The following MYO9B variants were observed in gnomAD, a reference collection of about 807,000 sequenced individuals.
MYO9B encodes unconventional myosin-IXb.
In MYO9B, 71 loss-of-function variants were observed where a neutral mutation model predicts 229.5. The observed-to-expected ratio is 0.31, with a 90% CI of 0.26 to 0.38. The LOEUF (loss-of-function observed/expected upper bound fraction) is 0.38, where lower values mean the gene tolerates loss of function less well. Among genes scored for constraint, MYO9B ranks in the 10% least tolerant of loss-of-function variants. The pLI, the probability that MYO9B is intolerant of heterozygous loss-of-function variation, is 1.00. For missense variants in MYO9B, 2,255 were observed against 2,920.5 expected (o/e 0.77, Z 5.25); for synonymous variants, 1,185 against 1,235.8 (o/e 0.96, Z 0.86).
rs972182478 is a variant in MYO9B at position 17,183,653 on chromosome 19, C to T, written c.2334-176C>T. 1.9e-4 allele frequency: 113 copies of T among 594,692 alleles called. No homozygotes were observed. In the Admixed American group the frequency reaches 2.6e-3, roughly 14 times the overall value. 36.8% of individuals were successfully genotyped at this position (594,692 alleles called of 1,614,324 possible). On this transcript the variant is annotated intron_variant, in intron 15 of 39. Coordinates refer to ENST00000682292, the MANE Select transcript of MYO9B (RefSeq NM_004145.4). ...GTGTCCACAGACAGTGGCTGAGGCA[C>T]GCCACGGTGTGCAGCGTGGAGAGGT...
intron 2 of MYO9B, among the ~76,000 whole-genome samples, chr19:17,115,408 G>A (rs1337630247): frequency 3.3e-5 from 5 of 150,398 alleles, no homozygotes; most frequent in South Asian, 2.1e-4. Context: ...GTCTACCCCA[G>A]TACATCCACC....
chr19:17,191,120 G>C lies in MYO9B; in HGVS notation c.2712G>C (p.Val904=), dbSNP rs1410420705. Residue 904 remains valine, a synonymous_variant, in exon 20 of 40, where the codon GTG becomes GTC. Coordinates refer to ENST00000682292, the MANE Select transcript of MYO9B (RefSeq NM_004145.4). ...TFQDFTEQFQ[V]LLPKDAQPCR... ...AGGATTTCACCGAGCAGTTCCAGGT[G>C]CTCCTGCCCAAGGATGCCCAGCCCT... 6.2e-7 allele frequency: 1 copy of C among 1,612,696 alleles called. No homozygotes were observed. The highest frequency in any genetic ancestry group is 8.5e-7 in the Non-Finnish European group (1 of 1,179,376).
At chr19:17,192,611 A>G (rs2072997759) in intron 20 of MYO9B, 135 bp from the exon 21 acceptor site, 1 of 556,886 alleles carries the variant, frequency 1.8e-6, no homozygotes, top group African/African-American at 1.9e-5. Flanking sequence ...ATAATAAATA[A>G]ATAAATAAAT....
chr19:17,197,679 G>T, intron 22 of MYO9B, 113 bp from the exon 23 acceptor site: 2 of 1,215,608 alleles, frequency 1.6e-6, no homozygotes, highest in Non-Finnish European at 1.2e-6. Context: ...ACATTGCCAA[G>T]TGTCCCCTGG....
intron 24 of MYO9B, among the ~76,000 whole-genome samples, chr19:17,198,958 T>G (rs571553294): frequency 2.6e-5 from 4 of 152,196 alleles, no homozygotes; most frequent in African/African-American, 7.2e-5. Context: ...CTCAACACTT[T>G]GGGAGGCCAA....
intron 2 of MYO9B, among the ~76,000 whole-genome samples, chr19:17,126,400 G>A (rs1260473543): frequency 2.6e-5 from 4 of 152,114 alleles, no homozygotes; most frequent in African/African-American, 7.2e-5. Context: ...GGGGATCCCC[G>A]GAAAACCCCA....
At chr19:17,133,996 C>T (rs2072235036) in intron 2 of MYO9B, among the ~76,000 whole-genome samples, 1 of 151,548 alleles carries the variant, frequency 6.6e-6, no homozygotes, top group African/African-American at 2.4e-5. Flanking sequence ...CTCCTGACCT[C>T]ATGATCTGCC....
intron 16 of MYO9B, among the ~76,000 whole-genome samples, chr19:17,184,223 C>T (rs1295054361): frequency 6.6e-6 from 1 of 152,188 alleles, no homozygotes; most frequent in Admixed American, 6.6e-5. Flanking sequence ...CACCACAGAG[C>T]TCATCCTGCC....
At chr19:17,152,144 G>A (rs1028006791) in intron 3 of MYO9B, among the ~76,000 whole-genome samples, 2 of 147,298 alleles carry the variant, frequency 1.4e-5, no homozygotes, top group Middle Eastern at 3.7e-3. Context: ...TAGAAATCAC[G>A]TCATTGCACT....
At position 17,190,744 on chromosome 19, in the gene MYO9B, C is replaced by T. The variant is rs192002764; in HGVS notation, c.2689-353C>T. On this transcript the variant is annotated intron_variant, in intron 19 of 39. Coordinates refer to ENST00000682292, the MANE Select transcript of MYO9B (RefSeq NM_004145.4). The stretch of plus-strand genomic sequence containing the variant: ...CGCAATCTTGGCTCACTGCAACCTC[C>T]GCCTCCCAGGTTCAAGTGATTCTCC... Among the ~76,000 whole-genome samples the T allele has an allele frequency of 2.6e-4, 40 of 152,064 alleles. No individual in the cohort carries two copies. In the East Asian group the frequency reaches 6.6e-3, roughly 25 times the overall value.
intron 17 of MYO9B, 113 bp downstream of exon 17, chr19:17,185,100 G>A (rs2072903071): frequency 6.7e-7 from 1 of 1,490,404 alleles, no homozygotes; most frequent in African/African-American, 1.4e-5. Flanking sequence ...AATTGGCCGG[G>A]CGCGGTGGCT....
In MYO9B at chr19:17,212,211, G is replaced by T. The variant is rs1322977618; in HGVS notation, c.6375G>T (p.Glu2125Asp). The stretch of plus-strand genomic sequence containing the variant: ...ACCTGCCAGTGCAGGGCGCCCTGGA[G>T]CCCCTAGAAGAGGATGGCCAGCCAC... ...GADLPVQGAL[E>D]PLEEDGQPPG... The change falls in exon 40 of 40, where the codon GAG becomes GAT. Residue 2125 changes from glutamate to aspartate, a missense_variant. Physicochemically the swap from Glu to Asp is conservative, Grantham distance 45 (BLOSUM62 2). Transcript: ENST00000682292. The surrounding 1 kb of genome is among the most constrained non-coding windows in gnomAD (Gnocchi z 5.4). The T allele has an allele frequency of 3.8e-6, 6 of 1,583,416 alleles. No homozygotes were observed. Among genetic ancestry groups the T allele is most frequent in the Middle Eastern group, 1.7e-4 (1 of 6,046 alleles).
intron 2 of MYO9B, among the ~76,000 whole-genome samples, chr19:17,114,473 C>T (rs948535668): frequency 6.6e-6 from 1 of 152,064 alleles, no homozygotes; most frequent in Non-Finnish European, 1.5e-5. Flanking sequence ...TGAAGCGGCC[C>T]TAGGTGCGTG....
At chr19:17,166,796 C>T (rs1265378352) in intron 10 of MYO9B, among the ~76,000 whole-genome samples, 1 of 152,162 alleles carries the variant, frequency 6.6e-6, no homozygotes, top group African/African-American at 2.4e-5. Context: ...GGGTAATGGC[C>T]TCCAGCTCCA....
intron 2 of MYO9B, among the ~76,000 whole-genome samples, chr19:17,106,112 C>T (rs759210084): frequency 1.3e-5 from 2 of 152,014 alleles, no homozygotes; most frequent in Non-Finnish European, 2.9e-5. Context: ...TCAAGCGATC[C>T]TCCCACCCAA....
intron 2 of MYO9B, among the ~76,000 whole-genome samples, chr19:17,140,312 C>T (rs1235585214): frequency 6.6e-6 from 1 of 152,050 alleles, no homozygotes; most frequent in Non-Finnish European, 1.5e-5. Context: ...CAGGTGAAGG[C>T]CCTCTTCTTG....
chr19:17,186,137 G>A, intron 18 of MYO9B, 136 bp downstream of exon 18: 1 of 710,640 alleles, frequency 1.4e-6, no homozygotes, highest in Non-Finnish European at 2.4e-6. Context: ...AGCCGGGGAT[G>A]GAGAATTAGC....
At chr19:17,168,209 G>A in intron 11 of MYO9B, 145 bp downstream of exon 11, 2 of 1,203,930 alleles carry the variant, frequency 1.7e-6, no homozygotes, top group South Asian at 3.0e-5. Context: ...CTGTCACCCA[G>A]GCTGGAGTGT....
At chr19:17,135,350 G>A (rs2072255982) in intron 2 of MYO9B, among the ~76,000 whole-genome samples, 1 of 152,108 alleles carries the variant, frequency 6.6e-6, no homozygotes, top group African/African-American at 2.4e-5. Flanking sequence ...AGCCTGGGGG[G>A]ACCATGGCAT....
Sources: gnomAD v4.1 joint callset for allele counts (sites outside exome capture counted in the v4.1 genomes callset) on GRCh38, gnomAD v4.1.1 for gene constraint, Gnocchi (gnomAD v3.1) non-coding constraint, MANE v1.5 for transcripts, NCBI Gene and HGNC (gene_info 2026-07-23, HGNC 2026-07-21) for gene names.